RNF216: variants seen among roughly 807,000 people sequenced by gnomAD.
RNF216 encodes E3 ubiquitin-protein ligase RNF216.
A neutral mutation model predicts 110.8 loss-of-function variants in RNF216; 72 were observed. The observed-to-expected ratio is 0.65, with a 90% CI of 0.54 to 0.79. The LOEUF (loss-of-function observed/expected upper bound fraction) is 0.79. Ranked by LOEUF, RNF216 falls within the 30% of genes least tolerant of loss-of-function variation. The pLI is 0.00. For missense variants in RNF216, 1,342 were observed against 1,141.2 expected, an observed-to-expected ratio of 1.18 and a Z score of -2.54; for synonymous variants, 495 against 407.5, an observed-to-expected ratio of 1.21 and a Z score of -2.59.
intron 5 of RNF216, among the ~76,000 whole-genome samples, chr7:5,738,995 G>C (rs1794597593): frequency 1.3e-5 from 2 of 152,138 alleles, no homozygotes. Flanking sequence ...AAACACATGA[G>C]GTCCCTGATA....
Position 5,727,355 on chromosome 7 carries a change from T to A in RNF216, c.1390-1917A>T, listed in dbSNP as rs117524967. 1.1e-4 allele frequency among the ~76,000 whole-genome samples: 16 copies of A among 152,302 alleles called. No homozygotes were observed. In the East Asian group the frequency reaches 3.1e-3, roughly 29 times the overall value. Reference sequence around the variant, plus strand: ...TTTGGCATCTATCCTGCCTTTGCACTTACTAATCTATGCTTATTATTGAGT... The same window carrying A: ...TTTGGCATCTATCCTGCCTTTGCACATACTAATCTATGCTTATTATTGAGT... On this transcript the variant is annotated intron_variant, in intron 7 of 16. Transcript: ENST00000389902.
At chr7:5,767,059 T>C (rs1471633510) in intron 1 of RNF216, 3 of 152,236 alleles carry the variant, frequency 2.0e-5, no homozygotes, top group African/African-American at 7.2e-5. Context: ...AATCCTGGCA[T>C]GTTTATTAAC....
intron 7 of RNF216, 54 bp from the exon 8 acceptor site, chr7:5,725,492 C>T (rs542073244): frequency 1.9e-4 from 198 of 1,018,192 alleles, no homozygotes; most frequent in Admixed American, 1.5e-3. Flanking sequence ...TAAGAATACA[C>T]GAGACAGGCA....
chr7:5,778,595 G>T (rs73673519), intron 1 of RNF216, among the ~76,000 whole-genome samples: 1 of 152,160 alleles, frequency 6.6e-6, no homozygotes, highest in Non-Finnish European at 1.5e-5. Flanking sequence ...ATCTTCAATA[G>T]TAGATGTACT....
chr7:5,628,322 C>G (rs1172706906), intron 15 of RNF216, among the ~76,000 whole-genome samples: 1 of 152,116 alleles, frequency 6.6e-6, no homozygotes, highest in Non-Finnish European at 1.5e-5. Context: ...CTACAATGAC[C>G]TACAATTTTA....
intron 2 of RNF216, among the ~76,000 whole-genome samples, chr7:5,754,530 G>A (rs1440342079): frequency 1.3e-5 from 2 of 152,090 alleles, no homozygotes; most frequent in South Asian, 2.1e-4. Context: ...GAAGACACAC[G>A]CTATGGGGGA....
chr7:5,699,845 T>C (rs1364733588), intron 13 of RNF216, among the ~76,000 whole-genome samples: 1 of 152,190 alleles, frequency 6.6e-6, no homozygotes, highest in African/African-American at 2.4e-5. Context: ...CTCTGGGAAC[T>C]GGAGATGTGA....
chr7:5,715,409 G>A (rs917046132), intron 10 of RNF216, among the ~76,000 whole-genome samples: 23 of 152,002 alleles, frequency 1.5e-4, no homozygotes, highest in African/African-American at 5.3e-4. Context: ...CGAGGTTTTC[G>A]TGTTTTTTTT....
At chr7:5,756,519 T>C (rs1158843250) in intron 2 of RNF216, among the ~76,000 whole-genome samples, 2 of 152,208 alleles carry the variant, frequency 1.3e-5, no homozygotes, top group Non-Finnish European at 2.9e-5. Flanking sequence ...CTCAGCCTCC[T>C]GAGTAGCTGG....
At position 5,624,591 on chromosome 7, in the gene RNF216, G is replaced by T. The variant is rs1786592509; in HGVS notation, c.2383-466C>A. 1.3e-5 allele frequency among the ~76,000 whole-genome samples: 2 copies of T among 152,228 alleles called. No homozygotes were observed. The highest frequency in any genetic ancestry group is 4.8e-5 in the African/African-American group (2 of 41,470). On this transcript the variant is annotated intron_variant, in intron 15 of 16. Coordinates refer to ENST00000389902, the MANE Select transcript of RNF216 (RefSeq NM_207111.4). This position sits in a 1 kb window ranked among gnomAD's most constrained non-coding sequence, Gnocchi z 4.4. The stretch of plus-strand genomic sequence containing the variant: ...ACTGAGATGGACAAATGTCCAGTCG[G>T]GCCCTGCTTAGCCCCCAAGGCTGGC...
intron 3 of RNF216, among the ~76,000 whole-genome samples, chr7:5,751,859 AAC>A (rs1226327521): frequency 6.9e-6 from 1 of 144,410 alleles, no homozygotes; most frequent in Non-Finnish European, 1.5e-5. Flanking sequence ...AAAAAAAAGC[AAC>A]AGATTTGTAG....
chr7:5,719,241 G>A (rs1793259672), intron 9 of RNF216, among the ~76,000 whole-genome samples: 1 of 152,110 alleles, frequency 6.6e-6, no homozygotes, highest in South Asian at 2.1e-4. Context: ...CAGGTGTGGT[G>A]GTGCACACCT....
chr7:5,741,070 G>C lies in RNF216; in HGVS notation c.947C>G (p.Pro316Arg). Reference sequence around the variant, plus strand: ...ATTGGGCTCTTGAGATTCTTGCATTGGAAAGGCTGGACCTGGCTCTTCATC... The same window carrying C: ...ATTGGGCTCTTGAGATTCTTGCATTCGAAAGGCTGGACCTGGCTCTTCATC... ...SDDEEPGPAFPMQESQEPNLE... is the reference protein window; with the variant it reads ...SDDEEPGPAFRMQESQEPNLE... The change falls in exon 4 of 17, where the codon CCA becomes CGA. Residue 316 changes from proline (P) to arginine (R), a missense_variant. Pro to Arg is a moderately radical substitution (Grantham distance 103, BLOSUM62 -2). Transcript: ENST00000389902. 1 of 1,614,092 alleles carries C rather than the reference G, an allele frequency of 6.2e-7. No homozygotes were observed. The highest frequency in any genetic ancestry group is 8.5e-7 in the Non-Finnish European group (1 of 1,180,034).
chr7:5,770,215 A>G (rs1796425484), intron 1 of RNF216, among the ~76,000 whole-genome samples: 1 of 151,798 alleles, frequency 6.6e-6, no homozygotes, highest in Non-Finnish European at 1.5e-5. Context: ...TAACCCCAGC[A>G]CTTTCGGAGG....
chr7:5,748,670 C>T (rs1004188557), intron 3 of RNF216, among the ~76,000 whole-genome samples: 1 of 148,360 alleles, frequency 6.7e-6, no homozygotes, highest in Non-Finnish European at 1.5e-5. Flanking sequence ...AATATACTAA[C>T]TAAAGCATGT....
At chr7:5,773,887 T>C (rs978708717) in intron 1 of RNF216, among the ~76,000 whole-genome samples, 1 of 152,202 alleles carries the variant, frequency 6.6e-6, no homozygotes, top group Non-Finnish European at 1.5e-5. Context: ...TCTTATTTTT[T>C]CTTTGACCAC....
Position 5,751,827 on chromosome 7 carries a change from TAAAAAAAAAAAAAAA to T in RNF216, c.201+1004_201+1018del, listed in dbSNP as rs3075700. On this transcript the variant is annotated intron_variant, in intron 3 of 16. Coordinates refer to ENST00000389902, the MANE Select transcript of RNF216 (RefSeq NM_207111.4). ...ATAAAGCCAACTGGGATCTTTAAAC[TAAAAAAAAAAAAAAA>T]AAAAAAAAAAAAAAGCAACAGATTT... Among the ~76,000 whole-genome samples the T allele has an allele frequency of 2.1e-4, 8 of 37,276 alleles. No individual in the cohort carries two copies. In the Admixed American group the frequency reaches 3.7e-3, roughly 17 times the overall value. The allele number at this position is 37,276 out of a possible 152,430, so 24.5% of individuals were successfully genotyped here.
intron 3 of RNF216, among the ~76,000 whole-genome samples, chr7:5,745,810 G>GA: frequency 6.7e-6 from 1 of 149,550 alleles, no homozygotes; most frequent in Admixed American, 6.7e-5. Flanking sequence ...GCTGAGGCAG[G>GA]ATAATTGCTT....
At chr7:5,770,893 C>T (rs1354517669) in intron 1 of RNF216, among the ~76,000 whole-genome samples, 2 of 150,946 alleles carry the variant, frequency 1.3e-5, no homozygotes, top group Non-Finnish European at 1.5e-5. Flanking sequence ...CTGCAACCTC[C>T]GCCTCCTGGG....
Sources: gnomAD v4.1 joint callset for allele counts (sites outside exome capture counted in the v4.1 genomes callset) on GRCh38, gnomAD v4.1.1 for gene constraint, Gnocchi (gnomAD v3.1) non-coding constraint, MANE v1.5 for transcripts, NCBI Gene and HGNC (gene_info 2026-07-23, HGNC 2026-07-21) for gene names.